Variants in ARFGEF2 observed in about 807,000 individuals in gnomAD.
ARFGEF2 encodes the protein brefeldin A-inhibited guanine nucleotide-exchange protein 2.
Under a neutral mutation model 219.9 loss-of-function variants are expected in ARFGEF2, and 74 were observed. The observed-to-expected ratio is 0.34, with a 90% CI of 0.28 to 0.41. The LOEUF is 0.41. ARFGEF2 is among the 10% of genes least tolerant of loss of function. The pLI is 1.00. For synonymous variants in ARFGEF2, 733 were observed against 799.2 expected, an observed-to-expected ratio of 0.92 and a Z score of 1.40; for missense variants, 1,743 against 2,218.3, an observed-to-expected ratio of 0.79 and a Z score of 4.30.
chr20:48,952,685 G>T lies in ARFGEF2; in HGVS notation c.424-20G>T. The T allele has an allele frequency of 6.2e-7, 1 of 1,613,988 alleles. No homozygotes were observed. Among genetic ancestry groups the T allele is most frequent in the South Asian group, 1.1e-5 (1 of 91,072 alleles). On this transcript the variant is annotated intron_variant, in intron 4 of 38. Transcript: ENST00000371917. ...GTGATGTGCGTTCCTGATGGTGAAGGTCGCGGATTTCTATTTTAGGCTCTT... is the reference window on the plus strand; with the variant it reads ...GTGATGTGCGTTCCTGATGGTGAAGTTCGCGGATTTCTATTTTAGGCTCTT...
At chr20:49,003,391 A>C (rs1187781969) in intron 25 of ARFGEF2, among the ~76,000 whole-genome samples, 1 of 150,892 alleles carries the variant, frequency 6.6e-6, no homozygotes, top group Non-Finnish European at 1.5e-5. Context: ...GATCACCTGA[A>C]GTCAGGAGTT....
chr20:48,950,812 AT>A (rs377543198), intron 3 of ARFGEF2, among the ~76,000 whole-genome samples: 16,340 of 42,804 alleles, frequency 0.38, 3,183 homozygotes, highest in Non-Finnish European at 0.45. Context: ...AAAAAAAAAA[AT>A]ATATATATAT....
Position 48,965,888 on chromosome 20 carries a change from T to C in ARFGEF2, c.924T>C (p.His308=), listed in dbSNP as rs1408230564. 5 of 1,614,088 alleles carry C rather than the reference T, an allele frequency of 3.1e-6. No homozygotes were observed. The highest frequency in any genetic ancestry group is 3.4e-6 in the Non-Finnish European group (4 of 1,180,036). The change falls in exon 8 of 39, where the codon CAT becomes CAC. Residue 308 remains histidine (H), a synonymous_variant. Transcript: ENST00000371917. The part of the protein sequence containing the change: ...TSAIKEAAEK[H]GLTEPERVLG... ...TGTTTTAAGAAGCAGCGGAAAAGCATGGTCTGACAGAACCTGAGAGAGTTC... is the reference window on the plus strand; with the variant it reads ...TGTTTTAAGAAGCAGCGGAAAAGCACGGTCTGACAGAACCTGAGAGAGTTC...
chr20:48,993,162 A>AT, intron 21 of ARFGEF2, among the ~76,000 whole-genome samples: 1 of 152,274 alleles, frequency 6.6e-6, no homozygotes, highest in Admixed American at 6.5e-5. Flanking sequence ...CTTCTAAAAC[A>AT]TTTTTTTAGC....
intron 1 of ARFGEF2, among the ~76,000 whole-genome samples, chr20:48,930,606 G>C (rs1013295832): frequency 6.6e-6 from 1 of 152,184 alleles, no homozygotes; most frequent in Non-Finnish European, 1.5e-5. Context: ...TGTGGGAAGA[G>C]GACTACATGG....
At chr20:49,015,467 G>A (rs968381190) in intron 30 of ARFGEF2, among the ~76,000 whole-genome samples, 3 of 152,196 alleles carry the variant, frequency 2.0e-5, no homozygotes, top group Non-Finnish European at 2.9e-5. Flanking sequence ...AGTTGTGGAT[G>A]TTCCACAGCT....
rs2091403651 is a variant in ARFGEF2, at chr20:48,998,217, G to A, written c.3246G>A (p.Leu1082=). The A allele has an allele frequency of 1.2e-6, 2 of 1,613,986 alleles. No homozygotes were observed. Among genetic ancestry groups the A allele is most frequent in the African/African-American group, 1.3e-5 (1 of 74,924 alleles). ...GGATTTTTACTGGGTCTACCAGACT[G>A]GATGGAAATGCAATAGGTATGTATT... is the stretch of plus-strand genomic sequence containing the variant. ...VDRIFTGSTR[L]DGNAIVDFVR... Residue 1082 remains leucine (L), a synonymous_variant, in exon 24 of 39, where the codon CTG becomes CTA. Transcript: ENST00000371917.
chr20:48,948,814 T>G (rs778218136), intron 3 of ARFGEF2, among the ~76,000 whole-genome samples: 1 of 152,204 alleles, frequency 6.6e-6, no homozygotes, highest in Non-Finnish European at 1.5e-5. Context: ...TCCCTCCCTG[T>G]CCGTCTTCCC....
chr20:48,946,601 G>A (rs553710462), intron 3 of ARFGEF2, among the ~76,000 whole-genome samples: 54 of 151,510 alleles, frequency 3.6e-4, no homozygotes, highest in African/African-American at 1.3e-3. Flanking sequence ...TCAGGCTTCC[G>A]AAAACCCCGA....
chr20:49,008,211 T>C (rs2091474629), intron 26 of ARFGEF2, among the ~76,000 whole-genome samples: 2 of 152,068 alleles, frequency 1.3e-5, no homozygotes, highest in Non-Finnish European at 2.9e-5. Context: ...AATAAACAAG[T>C]GTTAAAGTAA....
At chr20:48,968,406 C>A (rs1476895050) in intron 8 of ARFGEF2, among the ~76,000 whole-genome samples, 5 of 150,576 alleles carry the variant, frequency 3.3e-5, no homozygotes, top group Non-Finnish European at 7.4e-5. Context: ...GCAATAGTTG[C>A]AATAGTATTC....
intron 4 of ARFGEF2, among the ~76,000 whole-genome samples, chr20:48,952,148 CTTTTTTTTTTTTTTTT>C (rs11475141): frequency 1.8e-5 from 1 of 55,448 alleles, no homozygotes; most frequent in African/African-American, 7.6e-5. Flanking sequence ...GAAGTTTGGC[CTTTTTTTTTTTTTTTT>C]TTTTTTTTTG....
intron 7 of ARFGEF2, among the ~76,000 whole-genome samples, chr20:48,964,509 CT>C (rs549223188): frequency 4.1e-4 from 63 of 152,278 alleles, no homozygotes; most frequent in African/African-American, 1.1e-3. Context: ...CCAGGTTTTT[CT>C]AGGAGTGGGC....
intron 25 of ARFGEF2, among the ~76,000 whole-genome samples, chr20:48,999,771 AATGT>A (rs1208793774): frequency 4.6e-5 from 7 of 151,386 alleles, no homozygotes; most frequent in African/African-American, 1.7e-4. Context: ...AAAAAAAAGA[AATGT>A]ATGTATGTAT....
chr20:49,006,348 T>A (rs1003765748), intron 26 of ARFGEF2, among the ~76,000 whole-genome samples: 4 of 152,116 alleles, frequency 2.6e-5, no homozygotes, highest in African/African-American at 9.7e-5. Context: ...CATTCAGCCT[T>A]AAATAGTTGC....
intron 25 of ARFGEF2, among the ~76,000 whole-genome samples, 186 bp downstream of exon 25, chr20:48,998,691 A>C (rs928598142): frequency 2.0e-5 from 3 of 152,232 alleles, no homozygotes; most frequent in African/African-American, 7.2e-5. Context: ...ATTCATGTAG[A>C]ATGAATTAAA....
intron 30 of ARFGEF2, among the ~76,000 whole-genome samples, chr20:49,015,454 C>T (rs192128615): frequency 6.6e-6 from 1 of 152,290 alleles, no homozygotes; most frequent in Non-Finnish European, 1.5e-5. Flanking sequence ...ACAAAATAGT[C>T]TTAGTTGTGG....
At position 48,971,327 on chromosome 20, in the gene ARFGEF2, T is replaced by G; in HGVS notation, c.1398T>G (p.Phe466Leu). 6.2e-7 allele frequency: 1 copy of G among 1,614,188 alleles called. No individual in the cohort carries two copies. Among genetic ancestry groups the G allele is most frequent in the Non-Finnish European group, 8.5e-7 (1 of 1,180,016 alleles). Residue 466 changes from phenylalanine to leucine, a missense_variant, in exon 10 of 39, where the codon TTT becomes TTG. Phe to Leu is a conservative substitution (Grantham distance 22). This residue lies in a region of ARFGEF2 where 666 missense variants were observed against 955.4 expected (regional missense o/e 0.70). Coordinates refer to ENST00000371917, the MANE Select transcript of ARFGEF2 (RefSeq NM_006420.3). ...TTTTTCTTACTCTTCTTTCAAACTTTAAAATGCACTTGAAAATGCAGATAG... is the reference window on the plus strand; with the variant it reads ...TTTTTCTTACTCTTCTTTCAAACTTGAAAATGCACTTGAAAATGCAGATAG... ...LAIFLTLLSNFKMHLKMQIEV... is the reference protein window; with the variant it reads ...LAIFLTLLSNLKMHLKMQIEV...
intron 23 of ARFGEF2, 139 bp downstream of exon 23, chr20:48,996,021 A>G (rs1052659562): frequency 4.4e-5 from 34 of 771,754 alleles, no homozygotes; most frequent in South Asian, 2.9e-4. Context: ...TGTCACATTT[A>G]TTTGCATTTT....
Sources: gnomAD v4.1 joint callset for allele counts (sites outside exome capture counted in the v4.1 genomes callset) on GRCh38, gnomAD v4.1.1 for gene constraint, gnomAD v4.1.1 regional missense constraint, MANE v1.5 for transcripts, NCBI Gene and HGNC (gene_info 2026-07-23, HGNC 2026-07-21) for gene names.